PRRT4: variants seen among roughly 807,000 people sequenced by gnomAD.
The protein encoded by PRRT4 is proline rich transmembrane protein 4.
PRRT4 carries 59 observed loss-of-function variants against 55.6 expected under a neutral mutation model. The ratio of observed to expected loss-of-function variants is 1.06; its 90% CI spans 0.86 to 1.32. The LOEUF is 1.32. PRRT4 is among the 40% of genes most tolerant of loss of function. The pLI is 0.00. For synonymous variants in PRRT4, 606 were observed against 601.8 expected (o/e 1.01, Z -0.10); for missense variants, 1,217 against 1,222.0 (o/e 1.00, Z 0.06).
chr7:128,350,934 G>C (rs1470684526), exon 5 of PRRT4: 1 of 1,550,926 alleles, frequency 6.4e-7, no homozygotes. Flanking sequence ...CCTGCAGCAA[G>C]GCCTCCTCGG....
chr7:128,355,621 T>C (rs1194924955), intron 4 of PRRT4, among the ~76,000 whole-genome samples: 1 of 152,176 alleles, frequency 6.6e-6, no homozygotes, highest in Non-Finnish European at 1.5e-5. Context: ...GGTCTGGCAA[T>C]GGCAGGATCA....
intron 1 of PRRT4, among the ~76,000 whole-genome samples, 197 bp downstream of exon 2, chr7:128,361,099 TCTCTCACACA>T (rs1231016005): frequency 1.6e-5 from 2 of 127,454 alleles, no homozygotes; most frequent in African/African-American, 6.8e-5. Context: ...TCTCTCTCTC[TCTCTCACACA>T]CACACACACA....
rs1485402085 is a variant in PRRT4, at chr7:128,358,968, A to G, written c.758-168T>C. Among the ~76,000 whole-genome samples, 6 of 152,206 alleles carry G rather than the reference A, an allele frequency of 3.9e-5. No individual in the cohort carries two copies. The highest frequency in any genetic ancestry group is 5.9e-5 in the Non-Finnish European group (4 of 68,034). On this transcript the variant is annotated intron_variant, in intron 3 of 4. Coordinates refer to ENST00000535159, the Ensembl canonical transcript of PRRT4. The surrounding 1 kb of genome is among the most constrained non-coding windows in gnomAD (Gnocchi z 4.4). The stretch of plus-strand genomic sequence containing the variant: ...GTACACCATGAGCTAAGCTACAAAG[A>G]GCAAACCAGATTCAGTATGGCAAAG...
At chr7:128,359,839 G>T (rs1207763075) in exon 2 of PRRT4, 1 of 1,513,726 alleles carries the variant, frequency 6.6e-7, no homozygotes, top group Non-Finnish European at 8.9e-7. Flanking sequence ...TAAGTCCCAG[G>T]TTGAGAGACA....
At chr7:128,361,089 TCTCTCTCTCTCTCTCACACA>T (rs1398378110) in intron 1 of PRRT4, among the ~76,000 whole-genome samples, 197 bp downstream of exon 2, 1 of 132,882 alleles carries the variant, frequency 7.5e-6, no homozygotes, top group African/African-American at 3.1e-5. Flanking sequence ...TCTCTCTCTC[TCTCTCTCTCTCTCTCACACA>T]CACACACACA....
Position 128,352,685 on chromosome 7 carries a change from G to A in PRRT4, c.878-7C>T. On this transcript the variant is annotated splice_polypyrimidine_tract_variant and splice_region_variant and intron_variant, in intron 4 of 4. Transcript: ENST00000535159. ...GAGATGGGGACTGTGGGGTCTGTGG[G>A]CAAAGAACGTTTGGCTTGAGGCAAT... 1 of 1,516,556 alleles carries A rather than the reference G, an allele frequency of 6.6e-7. No homozygotes were observed. The highest frequency in any genetic ancestry group is 1.2e-5 in the South Asian group (1 of 82,418). 93.9% of individuals were successfully genotyped at this position (1,516,556 alleles called of 1,614,324 possible).
At chr7:128,360,584 T>C (rs1032085550) in intron 1 of PRRT4, among the ~76,000 whole-genome samples, 4 of 152,104 alleles carry the variant, frequency 2.6e-5, no homozygotes, top group Non-Finnish European at 5.9e-5. Context: ...AAGCCAGAGC[T>C]GAGTGATCTG....
At chr7:128,360,934 C>G (rs909730650) in intron 1 of PRRT4, among the ~76,000 whole-genome samples, 5 of 151,874 alleles carry the variant, frequency 3.3e-5, no homozygotes, top group East Asian at 1.9e-4. Flanking sequence ...CCACATCTAG[C>G]GCCCGTGACA....
chr7:128,357,230 A>G (rs946844836), intron 4 of PRRT4, among the ~76,000 whole-genome samples: 1 of 121,634 alleles, frequency 8.2e-6, no homozygotes, highest in African/African-American at 3.3e-5. Flanking sequence ...ACACACACAC[A>G]CACACACTCT....
exon 5 of PRRT4, chr7:128,351,557 T>C (rs1175267938): frequency 1.3e-6 from 2 of 1,488,294 alleles, no homozygotes; most frequent in African/African-American, 1.4e-5. Flanking sequence ...CCGCGAGCGA[T>C]GGCGCTCCCC....
chr7:128,353,476 T>C (rs141890184), intron 4 of PRRT4, among the ~76,000 whole-genome samples: 1 of 151,846 alleles, frequency 6.6e-6, no homozygotes, highest in Non-Finnish European at 1.5e-5. Context: ...CACACACACG[T>C]ACATCAGGGG....
intron 4 of PRRT4, among the ~76,000 whole-genome samples, chr7:128,357,875 G>T (rs1318332248): frequency 6.6e-6 from 1 of 152,168 alleles, no homozygotes; most frequent in Non-Finnish European, 1.5e-5. Context: ...CCACTGCCTG[G>T]GGCCAAGGCT....
chr7:128,350,672 G>A (rs536408402), downstream of PRRT4: 1,843 of 896,742 alleles, frequency 2.1e-3, 5 homozygotes, highest in Middle Eastern at 3.5e-3. Context: ...CAGAGAAGGT[G>A]GCACTGATTC....
rs1454825153 is a variant in PRRT4 at position 128,352,559 on chromosome 7, C to A, written c.997G>T (p.Glu333Ter). The change falls in exon 5 of 5, where the codon GAG becomes TAG. Residue 333 changes from glutamate (E) to a stop codon, truncating the protein, a stop_gained. Coordinates refer to ENST00000535159, the Ensembl canonical transcript of PRRT4. LOFTEE classifies it high-confidence loss of function. ...CTCGGCGCCTCGGGAGGCTGCCCCT[C>A]GCGTTCAGGCAATTCTCCCACGCTG... The A allele has an allele frequency of 6.5e-7, 1 of 1,544,724 alleles. No individual in the cohort carries two copies. The highest frequency in any genetic ancestry group is 8.7e-7 in the Non-Finnish European group (1 of 1,146,936).
At chr7:128,351,743 G>T (rs1462592968) in exon 5 of PRRT4, 2 of 1,462,122 alleles carry the variant, frequency 1.4e-6, no homozygotes, top group East Asian at 5.6e-5. Flanking sequence ...TCGCCCAGGC[G>T]CAGGCCTAGC....
chr7:128,359,946 G>T, exon 2 of PRRT4: 1 of 1,450,376 alleles, frequency 6.9e-7, no homozygotes, highest in South Asian at 1.5e-5. Context: ...GCAGCAAACA[G>T]GACGCAGCAG....
At chr7:128,356,748 C>T (rs2116477514) in intron 4 of PRRT4, among the ~76,000 whole-genome samples, 1 of 152,324 alleles carries the variant, frequency 6.6e-6, no homozygotes, top group Admixed American at 6.5e-5. Flanking sequence ...GCCTGATTAT[C>T]CACCAGCTGC....
At chr7:128,360,863 G>A (rs1378297259) in intron 1 of PRRT4, among the ~76,000 whole-genome samples, 1 of 151,934 alleles carries the variant, frequency 6.6e-6, no homozygotes, top group African/African-American at 2.4e-5. Flanking sequence ...ACATCTGGTG[G>A]GGGAAGGGAG....
At chr7:128,350,525 C>A, downstream of PRRT4, 1 of 348,478 alleles carries the variant, frequency 2.9e-6, no homozygotes, top group Non-Finnish European at 5.4e-6. Flanking sequence ...TGAGGACAGC[C>A]CCTCTCACTC....
Sources: allele counts gnomAD v4.1 joint callset (sites outside exome capture counted in the v4.1 genomes callset), GRCh38; gene constraint gnomAD v4.1.1; non-coding constraint Gnocchi (gnomAD v3.1); transcripts MANE v1.5; gene names NCBI Gene and HGNC (gene_info 2026-07-23, HGNC 2026-07-21).